Variants in USH2A observed in about 807,000 individuals in gnomAD.
USH2A encodes Usher syndrome 2A (autosomal recessive, mild).
Under a neutral mutation model 538.9 loss-of-function variants are expected in USH2A, and 443 were observed. The observed-to-expected ratio is 0.82, with a 90% CI of 0.76 to 0.89. USH2A has a LOEUF of 0.89. Ranked by LOEUF, USH2A falls within the 40% of genes least tolerant of loss-of-function variation. The pLI, the probability that USH2A is intolerant of heterozygous loss-of-function variation, is 0.00. For missense variants in USH2A, 6,633 were observed against 6,324.8 expected, an observed-to-expected ratio of 1.05 and a Z score of -1.65; for synonymous variants, 2,413 against 2,273.5, an observed-to-expected ratio of 1.06 and a Z score of -1.75.
intron 21 of USH2A, among the ~76,000 whole-genome samples, chr1:216,104,711 A>G (rs1284956912): frequency 6.6e-6 from 1 of 152,212 alleles, no homozygotes; most frequent in African/African-American, 2.4e-5. Context: ...CTAAAAGCAT[A>G]AAAACCCTAG....
rs893970976 is a variant in USH2A, at chr1:215,646,888, A to T, written c.14791+634T>A. On this transcript the variant is annotated intron_variant, in intron 67 of 71. Coordinates refer to ENST00000307340, the MANE Select transcript of USH2A (RefSeq NM_206933.4). ...TCTATGTTTAGATACACAAATAACC[A>T]TTGTGTTACAATTGCCTGCAGTATT... Among the ~76,000 whole-genome samples, 4 of 152,172 alleles carry T rather than the reference A, an allele frequency of 2.6e-5. 1 individual carries two copies. In the South Asian group the frequency reaches 8.3e-4, roughly 32 times the overall value.
chr1:215,866,491 T>C lies in USH2A; in HGVS notation c.8845+516A>G, dbSNP rs61828252. Reference sequence around the variant, plus strand: ...CTGGATCAAGCTGGAATTCTGCCCATAGCCAGTCTGAAGATGATCCACTGG... The same window carrying C: ...CTGGATCAAGCTGGAATTCTGCCCACAGCCAGTCTGAAGATGATCCACTGG... On this transcript the variant is annotated intron_variant, in intron 44 of 71. Transcript: ENST00000307340. Among the ~76,000 whole-genome samples the C allele has an allele frequency of 0.011, 1,623 of 152,318 alleles. 19 individuals are homozygous for C. The highest frequency in any genetic ancestry group is 0.016 in the Non-Finnish European group (1,057 of 68,018).
chr1:216,199,707 TG>T lies in USH2A; in HGVS notation c.3730del (p.Gln1244LysfsTer3). The T allele has an allele frequency of 6.2e-7, 1 of 1,614,046 alleles. No individual in the cohort carries two copies. Among genetic ancestry groups the T allele is most frequent in the Non-Finnish European group, 8.5e-7 (1 of 1,179,964 alleles). ...ITVTTAQAPP[Q>X]RLSPPKMQKI... is the part of the protein sequence containing the mutation. Reference sequence around the variant, plus strand: ...CTGCATCTTAGGTGGACTTAGTCTTTGGGGAGGGGCCTGGGCTGTGGTCACT... The same window carrying T: ...CTGCATCTTAGGTGGACTTAGTCTTTGGGAGGGGCCTGGGCTGTGGTCACT... On this transcript the variant is annotated frameshift_variant, in exon 17 of 72. Coordinates refer to ENST00000307340, the MANE Select transcript of USH2A (RefSeq NM_206933.4). LOFTEE classifies it high-confidence loss of function.
At chr1:215,892,588 A>C (rs1665236706) in intron 40 of USH2A, among the ~76,000 whole-genome samples, 1 of 152,118 alleles carries the variant, frequency 6.6e-6, no homozygotes, top group African/African-American at 2.4e-5. Context: ...TTATACCCCA[A>C]CTACTTCCCA....
intron 35 of USH2A, among the ~76,000 whole-genome samples, chr1:215,979,752 G>T (rs4655438): frequency 0.59 from 90,088 of 151,782 alleles, 27,495 homozygotes; most frequent in East Asian, 0.85. Flanking sequence ...GTGTTAGATT[G>T]CAATATGGTA....
intron 70 of USH2A, chr1:215,630,241 A>G (rs1040066560): frequency 6.5e-6 from 3 of 458,352 alleles, no homozygotes; most frequent in African/African-American, 2.0e-5. Context: ...CACATCAGAT[A>G]TATCAGCCAC....
At chr1:215,782,610 T>A in intron 53 of USH2A, 128 bp downstream of exon 53, 1 of 1,005,964 alleles carries the variant, frequency 9.9e-7, no homozygotes, top group African/African-American at 1.6e-5. Context: ...TAATTACAGT[T>A]CCCTTTATCG....
At chr1:216,201,778 C>G (rs180958259) in intron 16 of USH2A, 1 of 232,550 alleles carries the variant, frequency 4.3e-6, no homozygotes, top group Non-Finnish European at 9.6e-6. Flanking sequence ...AGACAGTTCT[C>G]TCTCTGGTGG....
chr1:216,217,054 A>G (rs2035356181), intron 15 of USH2A, among the ~76,000 whole-genome samples: 1 of 152,096 alleles, frequency 6.6e-6, no homozygotes, highest in African/African-American at 2.4e-5. Flanking sequence ...GGTTTAACCA[A>G]TATAGTCCTG....
Position 215,673,798 on chromosome 1 carries a change from A to T in USH2A, c.13811+302T>A, listed in dbSNP as rs1398773801. 2.0e-5 allele frequency among the ~76,000 whole-genome samples: 3 copies of T among 152,122 alleles called. No individual in the cohort carries two copies. The East Asian group carries it at 5.8e-4, about 29-fold the overall frequency. ...GTCAGAACTGTCCAGGGGCCTGCGT[A>T]TTTCCAGGGGGACTAGCCTCATCTC... On this transcript the variant is annotated intron_variant, in intron 63 of 71. Transcript: ENST00000307340.
intron 16 of USH2A, among the ~76,000 whole-genome samples, chr1:216,202,966 T>C (rs1363866192): frequency 1.3e-5 from 2 of 152,194 alleles, no homozygotes; most frequent in Non-Finnish European, 2.9e-5. Context: ...GGTTTACTTA[T>C]ATGTCTCCCC....
intron 2 of USH2A, among the ~76,000 whole-genome samples, chr1:216,420,166 G>A (rs2039652140): frequency 1.3e-5 from 2 of 152,000 alleles, no homozygotes; most frequent in Admixed American, 1.3e-4. Flanking sequence ...AAAAGAGTTT[G>A]CCCCTATTCA....
chr1:215,844,348 C>A lies in USH2A; in HGVS notation c.9204G>T (p.Val3068=). ...GGTCTCTCAGAATAAACGACCCAGG[C>A]ACATTCATTCCAGTCTTGTAGAGCT... ...NNKLYKTGMN[V]PGSFILRDLS... is the part of the protein sequence containing the mutation. The change falls in exon 46 of 72, where the codon GTG becomes GTT. Residue 3068 remains valine, a synonymous_variant. Transcript: ENST00000307340. 6.2e-7 allele frequency: 1 copy of A among 1,613,792 alleles called. No individual in the cohort carries two copies. Among genetic ancestry groups the A allele is most frequent in the Non-Finnish European group, 8.5e-7 (1 of 1,179,842 alleles).
chr1:216,177,131 A>T (rs1433439146), intron 20 of USH2A, among the ~76,000 whole-genome samples: 1 of 152,156 alleles, frequency 6.6e-6, no homozygotes. Flanking sequence ...TTTTCAAGAC[A>T]CTGCCAAACT....
At chr1:216,125,824 C>A (rs1011990556) in intron 21 of USH2A, among the ~76,000 whole-genome samples, 3 of 152,110 alleles carry the variant, frequency 2.0e-5, no homozygotes, top group African/African-American at 7.2e-5. Flanking sequence ...CTTCATCTGG[C>A]AAATAAGGGG....
At chr1:215,816,849 T>G (rs1662870018) in intron 48 of USH2A, 148 bp downstream of exon 48, 1 of 845,140 alleles carries the variant, frequency 1.2e-6, no homozygotes. Context: ...TAGTGATTTT[T>G]GTAAGCATCC....
At chr1:216,336,407 A>G (rs80334976) in intron 4 of USH2A, among the ~76,000 whole-genome samples, 7,964 of 151,208 alleles carry the variant, frequency 0.053, 291 homozygotes, top group Middle Eastern at 0.11. Flanking sequence ...AGACAGGGCA[A>G]ATAGGCAAGC....
chr1:216,109,030 G>A (rs1480829928), intron 21 of USH2A, among the ~76,000 whole-genome samples: 2 of 152,026 alleles, frequency 1.3e-5, no homozygotes, highest in Non-Finnish European at 2.9e-5. Flanking sequence ...TCAACCATTG[G>A]TGATGCCACC....
rs1028785164 is a variant in USH2A at position 215,759,966 on chromosome 1, T to C, written c.11048-123A>G. 5 of 1,084,174 alleles carry C rather than the reference T, an allele frequency of 4.6e-6. No homozygotes were observed. In the East Asian group the frequency reaches 1.3e-4, roughly 27 times the overall value. The allele number at this position is 1,084,174 out of a possible 1,614,324, so 67.2% of individuals were successfully genotyped here. A position where few individuals can be genotyped will look rare whatever the true frequency, so the allele number is the denominator to read the frequency against. ...GTTGATTTTAAAAAATATCTAACTG[T>C]ATGGAACAAAAATACATAATTGGTG... On this transcript the variant is annotated intron_variant, in intron 56 of 71. Transcript: ENST00000307340.
Sources: gnomAD v4.1 joint callset for allele counts (sites outside exome capture counted in the v4.1 genomes callset) on GRCh38, gnomAD v4.1.1 for gene constraint, MANE v1.5 for transcripts, NCBI Gene and HGNC (gene_info 2026-07-23, HGNC 2026-07-21) for gene names.